Variants in CPD observed in about 807,000 individuals in gnomAD.
CPD encodes the protein carboxypeptidase D, also known as metallocarboxypeptidase D.
In CPD, 69 loss-of-function variants were observed where a neutral mutation model predicts 138.3. The observed-to-expected ratio is 0.50, with a 90% CI of 0.41 to 0.61. CPD has a LOEUF of 0.61. Among genes scored for constraint, CPD ranks in the 20% least tolerant of loss-of-function variants. The pLI, the probability that CPD is intolerant of heterozygous loss-of-function variation, is 0.00. For synonymous variants in CPD, 651 were observed against 642.1 expected (o/e 1.01, Z -0.21); for missense variants, 1,432 against 1,733.3 (o/e 0.83, Z 3.09).
intron 2 of CPD, among the ~76,000 whole-genome samples, chr17:30,396,468 G>A (rs989095595): frequency 1.6e-4 from 25 of 152,112 alleles, no homozygotes; most frequent in African/African-American, 4.8e-4. Flanking sequence ...ACAGAAGAGT[G>A]AATCTTTAGT....
At chr17:30,405,609 A>G (rs1911783163) in intron 2 of CPD, among the ~76,000 whole-genome samples, 1 of 152,082 alleles carries the variant, frequency 6.6e-6, no homozygotes, top group African/African-American at 2.4e-5. Flanking sequence ...CTTTTGTTTC[A>G]GTTACTGTGA....
chr17:30,422,226 A>G (rs1410401340), intron 4 of CPD, among the ~76,000 whole-genome samples: 1 of 152,214 alleles, frequency 6.6e-6, no homozygotes, highest in African/African-American at 2.4e-5. Context: ...TCCCCTGGAA[A>G]GCTTTCTGGA....
chr17:30,379,448 G>A lies in CPD; in HGVS notation c.468G>A (p.Leu156=), dbSNP rs754386584. Residue 156 remains leucine, a synonymous_variant, in exon 1 of 21, where the codon CTG becomes CTA. Transcript: ENST00000225719. This position sits in a 1 kb window ranked among gnomAD's most constrained non-coding sequence, Gnocchi z 7.0. ...TGTTGATCTACTTGGCCCGCGAGCT[G>A]GCGGCCGGCTACCGCCGCGGGGACC... The part of the protein sequence containing the change: ...RQVLIYLARE[L]AAGYRRGDPR... 5 of 1,570,858 alleles carry A rather than the reference G, an allele frequency of 3.2e-6. No individual in the cohort carries two copies. Among genetic ancestry groups the A allele is most frequent in the Non-Finnish European group, 4.3e-6 (5 of 1,166,240 alleles).
At chr17:30,401,970 AT>A (rs1233621070) in intron 2 of CPD, among the ~76,000 whole-genome samples, 8 of 129,142 alleles carry the variant, frequency 6.2e-5, no homozygotes, top group Admixed American at 7.6e-5. Context: ...GCATGGCGCC[AT>A]TTTTTTTTCT....
intron 8 of CPD, among the ~76,000 whole-genome samples, chr17:30,438,001 T>A (rs1034663743): frequency 1.5e-4 from 15 of 102,440 alleles, no homozygotes; most frequent in Non-Finnish European, 2.4e-4. Context: ...CATGTGTGGC[T>A]TTTTTTTTTT....
intron 2 of CPD, among the ~76,000 whole-genome samples, chr17:30,418,885 G>A (rs961312227): frequency 2.0e-4 from 30 of 152,126 alleles, no homozygotes; most frequent in Admixed American, 1.6e-3. Flanking sequence ...TATTCAAAAT[G>A]GCATTGGTTA....
At chr17:30,451,210 A>G (rs183336144) in intron 13 of CPD, among the ~76,000 whole-genome samples, 4 of 152,314 alleles carry the variant, frequency 2.6e-5, no homozygotes. Flanking sequence ...CTGCCTCCCC[A>G]AAACAAATTG....
chr17:30,399,084 A>T (rs894739350), intron 2 of CPD, among the ~76,000 whole-genome samples: 5 of 151,948 alleles, frequency 3.3e-5, no homozygotes, highest in African/African-American at 1.2e-4. Context: ...AACGTGCTTT[A>T]CTTTTATGAG....
At chr17:30,382,910 A>G (rs1911086361) in intron 1 of CPD, among the ~76,000 whole-genome samples, 2 of 152,216 alleles carry the variant, frequency 1.3e-5, no homozygotes, top group Non-Finnish European at 2.9e-5. Context: ...TCTGTCCCTG[A>G]AACGTCATTT....
At chr17:30,408,181 C>A (rs1446637366) in intron 2 of CPD, among the ~76,000 whole-genome samples, 1 of 151,974 alleles carries the variant, frequency 6.6e-6, no homozygotes, top group Admixed American at 6.6e-5. Flanking sequence ...TGTTTTGGTA[C>A]CAGTACTATG....
chr17:30,464,500 G>A, intron 20 of CPD, 88 bp from the exon 21 acceptor site: 1 of 952,522 alleles, frequency 1.0e-6, no homozygotes, highest in South Asian at 1.4e-5. Context: ...TAAATGAGGG[G>A]TATATTATTA....
At chr17:30,395,817 G>C (rs919913255) in intron 2 of CPD, among the ~76,000 whole-genome samples, 2 of 152,080 alleles carry the variant, frequency 1.3e-5, no homozygotes, top group Non-Finnish European at 2.9e-5. Context: ...GTAGGACTGT[G>C]TAATTTAGTT....
At chr17:30,444,644 C>T (rs898373657) in intron 11 of CPD, among the ~76,000 whole-genome samples, 1 of 151,678 alleles carries the variant, frequency 6.6e-6, no homozygotes, top group African/African-American at 2.4e-5. Context: ...GTGCCTCAGC[C>T]TCCCAAGTAG....
At chr17:30,392,290 A>G (rs1369268626) in intron 2 of CPD, among the ~76,000 whole-genome samples, 1 of 152,170 alleles carries the variant, frequency 6.6e-6, no homozygotes, top group African/African-American at 2.4e-5. Flanking sequence ...GATTACAGGC[A>G]TGAGCCACTG....
intron 20 of CPD, among the ~76,000 whole-genome samples, chr17:30,463,144 G>T (rs1235217556): frequency 6.6e-6 from 1 of 152,144 alleles, no homozygotes; most frequent in Non-Finnish European, 1.5e-5. Context: ...GCCATATTTT[G>T]GGGGGCCTGT....
At position 30,427,520 on chromosome 17, in the gene CPD, A is replaced by G; in HGVS notation, c.1979A>G (p.Lys660Arg). The G allele has an allele frequency of 6.2e-7, 1 of 1,614,126 alleles. No individual in the cohort carries two copies. Among genetic ancestry groups the G allele is most frequent in the Middle Eastern group, 1.6e-4 (1 of 6,062 alleles). Residue 660 changes from lysine (K) to arginine (R), a missense_variant, in exon 7 of 21, where the codon AAG (lysine) becomes AGG (arginine). Around this residue, in one of 6 missense-constraint regions of CPD, gnomAD observed 297 missense variants for 405.3 expected, o/e 0.73. Transcript: ENST00000225719. ...ACTATTGCTGTAATGAGCTGGATGA[A>G]GTCCTATCCATTTGTACTTTCAGCA... ...PETIAVMSWM[K>R]SYPFVLSANL... is the part of the protein sequence containing the mutation.
At chr17:30,457,137 C>G (rs865917762) in intron 17 of CPD, among the ~76,000 whole-genome samples, 15 of 152,142 alleles carry the variant, frequency 9.9e-5, no homozygotes, top group African/African-American at 3.4e-4. Context: ...ACTCCCTATT[C>G]CCCTCTCCCA....
chr17:30,388,375 C>G (rs1911254153), intron 2 of CPD, among the ~76,000 whole-genome samples: 1 of 152,202 alleles, frequency 6.6e-6, no homozygotes, highest in East Asian at 1.9e-4. Flanking sequence ...GGCACCCCGG[C>G]TGCTCGTGCT....
At chr17:30,438,335 T>A (rs1912760855) in intron 8 of CPD, among the ~76,000 whole-genome samples, 1 of 152,194 alleles carries the variant, frequency 6.6e-6, no homozygotes, top group Non-Finnish European at 1.5e-5. Context: ...CTCCTCTTGC[T>A]TTCAATGGCA....
Sources: allele counts gnomAD v4.1 joint callset (sites outside exome capture counted in the v4.1 genomes callset), GRCh38; gene constraint gnomAD v4.1.1; regional missense constraint gnomAD v4.1.1; non-coding constraint Gnocchi (gnomAD v3.1); transcripts MANE v1.5; gene names NCBI Gene and HGNC (gene_info 2026-07-23, HGNC 2026-07-21).